Variants in TRAPPC9 observed in about 807,000 individuals in gnomAD.
TRAPPC9 encodes the protein IKK2 binding protein.
Under a neutral mutation model 124.0 loss-of-function variants are expected in TRAPPC9, and 83 were observed. That is an observed-to-expected ratio of 0.67 (90% CI 0.56 to 0.80). TRAPPC9 has a LOEUF of 0.80. Among genes scored for constraint, TRAPPC9 ranks in the 30% least tolerant of loss-of-function variants. The pLI is 0.00. For synonymous variants in TRAPPC9, 638 were observed against 617.5 expected, an observed-to-expected ratio of 1.03 and a Z score of -0.49; for missense variants, 1,302 against 1,508.3, an observed-to-expected ratio of 0.86 and a Z score of 2.27.
At chr8:140,222,384 C>G (rs1216166200) in intron 16 of TRAPPC9, among the ~76,000 whole-genome samples, 1 of 152,192 alleles carries the variant, frequency 6.6e-6, no homozygotes, top group Non-Finnish European at 1.5e-5. Context: ...TCTCACGTCG[C>G]ATGTCCAACC....
intron 7 of TRAPPC9, among the ~76,000 whole-genome samples, chr8:140,374,807 G>A (rs2068388038): frequency 6.6e-6 from 1 of 152,116 alleles, no homozygotes; most frequent in Non-Finnish European, 1.5e-5. Flanking sequence ...ACATGCCTTG[G>A]CCACCAATGC....
chr8:140,043,915 A>G (rs1288547813), intron 17 of TRAPPC9, among the ~76,000 whole-genome samples: 1 of 152,028 alleles, frequency 6.6e-6, no homozygotes, highest in Non-Finnish European at 1.5e-5. Flanking sequence ...TGGCCTGCCC[A>G]TGACTGCCTG....
chr8:140,049,569 A>G (rs1265627741), intron 17 of TRAPPC9, among the ~76,000 whole-genome samples: 1 of 150,830 alleles, frequency 6.6e-6, no homozygotes, highest in Non-Finnish European at 1.5e-5. Context: ...CCACCAAATT[A>G]TTTCCCTGGC....
At chr8:140,053,038 G>C (rs2132096502) in intron 17 of TRAPPC9, among the ~76,000 whole-genome samples, 1 of 152,244 alleles carries the variant, frequency 6.6e-6, no homozygotes, top group Non-Finnish European at 1.5e-5. Context: ...GTAAAGGGGA[G>C]GAAAAAGAGA....
chr8:140,027,017 C>T (rs972866667), intron 17 of TRAPPC9, among the ~76,000 whole-genome samples: 12 of 152,178 alleles, frequency 7.9e-5, no homozygotes, highest in Non-Finnish European at 1.6e-4. Flanking sequence ...TCTTACATTG[C>T]CCTTGTCATA....
intron 10 of TRAPPC9, among the ~76,000 whole-genome samples, chr8:140,309,129 C>T (rs765315232): frequency 2.6e-5 from 4 of 152,130 alleles, no homozygotes; most frequent in Non-Finnish European, 5.9e-5. Flanking sequence ...TTTCAACAGC[C>T]GAGGGACTAA....
At chr8:140,443,352 T>C (rs535534036) in intron 2 of TRAPPC9, among the ~76,000 whole-genome samples, 13 of 149,508 alleles carry the variant, frequency 8.7e-5, no homozygotes, top group South Asian at 2.1e-4. Flanking sequence ...AGGAGAATGG[T>C]GTGAACCCGG....
intron 18 of TRAPPC9, among the ~76,000 whole-genome samples, chr8:140,014,037 A>C (rs1312025186): frequency 2.6e-5 from 4 of 152,156 alleles, no homozygotes; most frequent in African/African-American, 9.7e-5. Context: ...TAGCAACTGG[A>C]AAAAGATCTA....
chr8:140,300,349 CCACGCACGCACACACATG>C, intron 11 of TRAPPC9, 102 bp downstream of exon 11: 1 of 1,253,968 alleles, frequency 8.0e-7, no homozygotes, highest in Non-Finnish European at 1.2e-6. Context: ...GTGCACACAT[CCACGCACGCACACACATG>C]CACATGCATG....
At position 140,300,459 on chromosome 8, in the gene TRAPPC9, G is replaced by C; in HGVS notation, c.1768+10C>G. 8 of 1,614,038 alleles carry C rather than the reference G, an allele frequency of 5.0e-6. No individual in the cohort carries two copies. Among genetic ancestry groups the C allele is most frequent in the South Asian group, 1.1e-5 (1 of 91,054 alleles). ...AGAGCACGGTGGGAAAGCCAGGATC[G>C]ACGTCCTACCTATTTTCTTGTTCCG... On this transcript the variant is annotated intron_variant, in intron 11 of 22. Transcript: ENST00000438773.
At chr8:139,812,445 A>C (rs1037134137) in intron 21 of TRAPPC9, among the ~76,000 whole-genome samples, 16 of 152,154 alleles carry the variant, frequency 1.1e-4, no homozygotes, top group African/African-American at 3.6e-4. Context: ...ATTTGGCATT[A>C]ATTCAGTCAT....
At chr8:140,092,667 G>A (rs1049705774) in intron 17 of TRAPPC9, among the ~76,000 whole-genome samples, 2 of 152,116 alleles carry the variant, frequency 1.3e-5, no homozygotes, top group Admixed American at 6.5e-5. Flanking sequence ...ACCCCAATAA[G>A]ACCAAAAGTT....
chr8:140,255,038 T>G (rs2064216763), intron 15 of TRAPPC9, among the ~76,000 whole-genome samples: 1 of 152,204 alleles, frequency 6.6e-6, no homozygotes, highest in Non-Finnish European at 1.5e-5. Context: ...GCAGACATAT[T>G]CCTGGCCGGA....
chr8:140,316,861 T>C lies in TRAPPC9; in HGVS notation c.1496-5487A>G, dbSNP rs576763279. ...AAGCCCTCAGGTCCCGGGCTTTTCT[T>C]TGATGGGAGACTTCTTATTACTGAT... On this transcript the variant is annotated intron_variant, in intron 9 of 22. Coordinates refer to ENST00000438773, the MANE Select transcript of TRAPPC9 (RefSeq NM_001160372.4). 5.3e-5 allele frequency among the ~76,000 whole-genome samples: 8 copies of C among 152,324 alleles called. No homozygotes were observed. In the East Asian group the frequency reaches 1.2e-3, roughly 22 times the overall value.
intron 15 of TRAPPC9, among the ~76,000 whole-genome samples, chr8:140,268,854 G>A (rs1192482141): frequency 2.0e-5 from 3 of 152,084 alleles, no homozygotes; most frequent in Admixed American, 6.6e-5. Context: ...TGACGGTCTC[G>A]GCATGAACCA....
intron 21 of TRAPPC9, among the ~76,000 whole-genome samples, chr8:139,845,120 T>A (rs1826990254): frequency 6.6e-6 from 1 of 152,256 alleles, no homozygotes; most frequent in South Asian, 2.1e-4. Flanking sequence ...AAGGATGATG[T>A]CGCCTTTAAG....
chr8:140,342,451 A>C (rs755659253), intron 9 of TRAPPC9, among the ~76,000 whole-genome samples: 27 of 152,190 alleles, frequency 1.8e-4, no homozygotes, highest in African/African-American at 6.5e-4. Context: ...GTACTACATG[A>C]TATTTATCTC....
At chr8:140,319,188 T>TG (rs2066523091) in intron 9 of TRAPPC9, among the ~76,000 whole-genome samples, 1 of 149,384 alleles carries the variant, frequency 6.7e-6, no homozygotes, top group Non-Finnish European at 1.5e-5. Context: ...TTTTTTTTTT[T>TG]TTTTTGAGAT....
chr8:139,820,218 C>A (rs1415984401), intron 21 of TRAPPC9, among the ~76,000 whole-genome samples: 2 of 151,882 alleles, frequency 1.3e-5, no homozygotes, highest in Non-Finnish European at 2.9e-5. Context: ...TCTTACTTTG[C>A]CACCCAGGCT....
Sources: allele counts gnomAD v4.1 joint callset (sites outside exome capture counted in the v4.1 genomes callset), GRCh38; gene constraint gnomAD v4.1.1; transcripts MANE v1.5; gene names NCBI Gene and HGNC (gene_info 2026-07-23, HGNC 2026-07-21).